Variants in CCDC178 observed in about 807,000 individuals in gnomAD.
CCDC178 encodes the protein coiled-coil domain-containing protein 178.
CCDC178 carries 126 observed loss-of-function variants against 117.4 expected under a neutral mutation model. The ratio of observed to expected loss-of-function variants is 1.07; its 90% CI spans 0.93 to 1.24. The LOEUF (loss-of-function observed/expected upper bound fraction) is 1.24. Among genes scored for constraint, CCDC178 ranks in the 50% most tolerant of loss-of-function variants. The pLI is 0.00. For missense variants in CCDC178, 1,030 were observed against 986.9 expected (o/e 1.04, Z -0.59); for synonymous variants, 283 against 313.4 (o/e 0.90, Z 1.02).
chr18:33,379,880 T>C (rs111287848), intron 5 of CCDC178, among the ~76,000 whole-genome samples: 3 of 152,230 alleles, frequency 2.0e-5, no homozygotes, highest in African/African-American at 4.8e-5. Flanking sequence ...CCATGATCTA[T>C]GCATGGGAAG....
At chr18:33,123,022 T>C (rs1026027049) in intron 20 of CCDC178, among the ~76,000 whole-genome samples, 1 of 152,122 alleles carries the variant, frequency 6.6e-6, no homozygotes, top group Non-Finnish European at 1.5e-5. Context: ...TGAATAAGTA[T>C]CACAGTCTCC....
intron 20 of CCDC178, among the ~76,000 whole-genome samples, chr18:33,119,253 C>G (rs555317265): frequency 6.6e-6 from 1 of 152,114 alleles, no homozygotes; most frequent in Non-Finnish European, 1.5e-5. Context: ...GAACAGGCAA[C>G]CCACAGAATG....
chr18:33,371,482 G>C (rs181295273), intron 5 of CCDC178, among the ~76,000 whole-genome samples: 1 of 151,744 alleles, frequency 6.6e-6, no homozygotes, highest in Non-Finnish European at 1.5e-5. Context: ...CTAAGTCTAC[G>C]GAACAGGTAG....
intron 20 of CCDC178, among the ~76,000 whole-genome samples, chr18:33,162,901 G>C (rs1392290012): frequency 6.6e-6 from 1 of 152,154 alleles, no homozygotes; most frequent in Non-Finnish European, 1.5e-5. Flanking sequence ...ATGTTCGTGT[G>C]TATGTGTCTT....
At chr18:33,165,275 C>T (rs1422445867) in intron 20 of CCDC178, among the ~76,000 whole-genome samples, 4 of 152,014 alleles carry the variant, frequency 2.6e-5, no homozygotes, top group Admixed American at 6.6e-5. Context: ...ATCACTTGGG[C>T]CCAGGAGTCC....
chr18:33,222,214 T>C (rs957810450), intron 18 of CCDC178, among the ~76,000 whole-genome samples: 1 of 151,598 alleles, frequency 6.6e-6, no homozygotes, highest in African/African-American at 2.4e-5. Context: ...CTTCCTTCCT[T>C]CCTCCCTCCC....
chr18:32,990,689 T>G (rs2055369571), intron 21 of CCDC178, among the ~76,000 whole-genome samples: 1 of 152,096 alleles, frequency 6.6e-6, no homozygotes, highest in Non-Finnish European at 1.5e-5. Context: ...TTGAATTGTA[T>G]TTCATCAAAA....
intron 22 of CCDC178, among the ~76,000 whole-genome samples, chr18:32,946,286 A>G (rs2144606369): frequency 6.6e-6 from 1 of 152,310 alleles, no homozygotes; most frequent in East Asian, 1.9e-4. Context: ...AATGCAACAA[A>G]ATAACTCTGC....
At chr18:33,371,508 C>T (rs1056785945) in intron 5 of CCDC178, among the ~76,000 whole-genome samples, 1 of 151,832 alleles carries the variant, frequency 6.6e-6, no homozygotes, top group South Asian at 2.1e-4. Context: ...AGAACTGAGA[C>T]TTGAACTAAA....
intron 22 of CCDC178, among the ~76,000 whole-genome samples, chr18:32,938,680 ATATATT>A (rs755836987): frequency 2.6e-4 from 40 of 152,152 alleles, no homozygotes; most frequent in Non-Finnish European, 4.9e-4. Context: ...TGTGTATAAT[ATATATT>A]TATAACTACA....
intron 21 of CCDC178, among the ~76,000 whole-genome samples, chr18:32,979,035 TAAA>T (rs778115678): frequency 8.9e-6 from 1 of 112,034 alleles, no homozygotes; most frequent in Non-Finnish European, 1.9e-5. Flanking sequence ...AGAATCCGTC[TAAA>T]AAAAAAAAAA....
At chr18:33,287,731 A>T (rs1255223578) in intron 12 of CCDC178, among the ~76,000 whole-genome samples, 2 of 152,162 alleles carry the variant, frequency 1.3e-5, no homozygotes, top group African/African-American at 4.8e-5. Context: ...GTGAGCCCAG[A>T]TCATGCCACT....
Position 33,031,238 on chromosome 18 carries a change from G to A in CCDC178, c.2389-56557C>T, listed in dbSNP as rs936581578. Among the ~76,000 whole-genome samples, 11 of 150,100 alleles carry A rather than the reference G, an allele frequency of 7.3e-5. 1 individual carries two copies. The highest frequency in any genetic ancestry group is 5.9e-5 in the Non-Finnish European group (4 of 67,610). On this transcript the variant is annotated intron_variant, in intron 21 of 22. Coordinates refer to ENST00000383096, the MANE Select transcript of CCDC178 (RefSeq NM_001105528.4). ...ATGACTTTTTTACTACATATTTTTG[G>A]AGTTTTTTTTTTTTTTAAATGGAGT... is the stretch of plus-strand genomic sequence containing the variant.
chr18:33,348,964 G>A lies in CCDC178; in HGVS notation c.383C>T (p.Ser128Phe). ...ATCTTCTTTCAGGTCTTTTGTGGAA[G>A]AAGTTCTGCTCCTATATAATGGGAA... ...ETSFEEWSRT[S>F]STKDLKEDWS... The change falls in exon 8 of 23, where the codon TCT becomes TTT. Residue 128 changes from serine (S) to phenylalanine (F), a missense_variant. Coordinates refer to ENST00000383096, the MANE Select transcript of CCDC178 (RefSeq NM_001105528.4). The A allele has an allele frequency of 6.2e-7, 1 of 1,607,820 alleles. No homozygotes were observed. Among genetic ancestry groups the A allele is most frequent in the Non-Finnish European group, 8.5e-7 (1 of 1,176,470 alleles).
intron 9 of CCDC178, among the ~76,000 whole-genome samples, chr18:33,336,642 AAC>A (rs1429157369): frequency 6.6e-6 from 1 of 152,144 alleles, no homozygotes; most frequent in Non-Finnish European, 1.5e-5. Flanking sequence ...AAGGAGATAA[AAC>A]ACTTGAACAG....
chr18:33,072,831 T>G (rs922250414), intron 21 of CCDC178, among the ~76,000 whole-genome samples: 2 of 152,248 alleles, frequency 1.3e-5, no homozygotes, highest in African/African-American at 4.8e-5. Flanking sequence ...GGTCTCAAAC[T>G]CCTGGCCTCA....
intron 21 of CCDC178, among the ~76,000 whole-genome samples, chr18:33,086,727 T>C (rs1313936056): frequency 6.6e-6 from 1 of 152,112 alleles, no homozygotes; most frequent in Admixed American, 6.6e-5. Context: ...ACATTACATA[T>C]ATATGACATG....
At chr18:33,111,577 T>C (rs1273326491) in intron 20 of CCDC178, among the ~76,000 whole-genome samples, 1 of 151,674 alleles carries the variant, frequency 6.6e-6, no homozygotes, top group Non-Finnish European at 1.5e-5. Flanking sequence ...TACCCAACAT[T>C]GCAAGTTATT....
chr18:33,347,799 C>CAA (rs2062917349), intron 8 of CCDC178, among the ~76,000 whole-genome samples: 1 of 151,918 alleles, frequency 6.6e-6, no homozygotes, highest in African/African-American at 2.4e-5. Context: ...TAATAAATTC[C>CAA]AAAACAAATG....
Sources: allele counts gnomAD v4.1 joint callset (sites outside exome capture counted in the v4.1 genomes callset), GRCh38; gene constraint gnomAD v4.1.1; transcripts MANE v1.5; gene names NCBI Gene and HGNC (gene_info 2026-07-23, HGNC 2026-07-21).